Variants in TMEM132B observed in about 807,000 individuals in gnomAD.
TMEM132B encodes the protein transmembrane protein 132B.
Under a neutral mutation model 90.8 loss-of-function variants are expected in TMEM132B, and 18 were observed. The ratio of observed to expected loss-of-function variants is 0.20; its 90% confidence interval spans 0.14 to 0.29. The LOEUF (loss-of-function observed/expected upper bound fraction) is 0.29. Ranked by LOEUF, TMEM132B falls within the 10% of genes least tolerant of loss-of-function variation. The pLI, the probability that TMEM132B is intolerant of heterozygous loss-of-function variation, is 1.00. For missense variants in TMEM132B, 1,096 were observed against 1,326.8 expected (o/e 0.83, Z 2.70); for synonymous variants, 504 against 523.3 (o/e 0.96, Z 0.50).
chr12:125,366,624 C>T (rs889228603), intron 2 of TMEM132B, among the ~76,000 whole-genome samples: 3 of 152,168 alleles, frequency 2.0e-5, no homozygotes, highest in African/African-American at 7.2e-5. Context: ...AACGGTTTAG[C>T]TACAATGTGC....
At chr12:125,317,243 G>A (rs1278508061) in intron 1 of TMEM132B, among the ~76,000 whole-genome samples, 1 of 152,144 alleles carries the variant, frequency 6.6e-6, no homozygotes, top group Non-Finnish European at 1.5e-5. Context: ...GCATGGGTTG[G>A]TATACTCAAA....
chr12:125,561,654 G>C (rs550173575), intron 4 of TMEM132B, among the ~76,000 whole-genome samples: 1 of 152,114 alleles, frequency 6.6e-6, no homozygotes, highest in African/African-American at 2.4e-5. Flanking sequence ...CTCCATCTGA[G>C]CTCTTAAGTG....
At chr12:125,621,086 G>A (rs1317966577) in intron 5 of TMEM132B, among the ~76,000 whole-genome samples, 2 of 152,190 alleles carry the variant, frequency 1.3e-5, no homozygotes. Flanking sequence ...TACATTTTGA[G>A]TCTGTTGTGG....
chr12:125,386,143 A>G (rs1878825885), intron 2 of TMEM132B, among the ~76,000 whole-genome samples: 1 of 151,890 alleles, frequency 6.6e-6, no homozygotes, highest in African/African-American at 2.4e-5. Context: ...GCTCACCACC[A>G]CTCCTGGCTT....
intron 1 of TMEM132B, among the ~76,000 whole-genome samples, chr12:125,214,915 C>T (rs183460489): frequency 1.5e-4 from 23 of 152,308 alleles, no homozygotes; most frequent in Non-Finnish European, 2.4e-4. Flanking sequence ...CCTCTGTGCT[C>T]GGTCTCCACA....
chr12:125,535,062 TATTA>T (rs1288788591), intron 4 of TMEM132B, among the ~76,000 whole-genome samples: 2 of 152,208 alleles, frequency 1.3e-5, no homozygotes, highest in African/African-American at 2.4e-5. Context: ...CCTAGGTATT[TATTA>T]ATTGTTTATA....
intron 1 of TMEM132B, among the ~76,000 whole-genome samples, chr12:125,333,695 A>AGCAGTGACC (rs1207339616): frequency 2.0e-5 from 3 of 152,226 alleles, no homozygotes; most frequent in Non-Finnish European, 4.4e-5. Flanking sequence ...CTAGCTGATT[A>AGCAGTGACC]CTGCTGGGTA....
At position 125,336,340 on chromosome 12, in the gene TMEM132B, C is replaced by T. The variant is rs75876364; in HGVS notation, c.68-13112C>T. On this transcript the variant is annotated intron_variant, in intron 1 of 8. Coordinates refer to ENST00000682704, the MANE Select transcript of TMEM132B (RefSeq NM_001366854.1). ...TCCATCATTTGCTCCTCTTTACTGC[C>T]GAGTAGTGTTCCACCCAACACAGGT... Among the ~76,000 whole-genome samples the T allele has an allele frequency of 2.2e-3, 335 of 152,242 alleles. 2 individuals carry two copies. Among genetic ancestry groups the T allele is most frequent in the East Asian group, 0.02 (102 of 5,186 alleles).
intron 1 of TMEM132B, among the ~76,000 whole-genome samples, chr12:125,191,526 C>T (rs1872793380): frequency 6.6e-6 from 1 of 152,158 alleles, no homozygotes; most frequent in Non-Finnish European, 1.5e-5. Context: ...AATGGTGTGG[C>T]CCGGCCTCTG....
intron 2 of TMEM132B, among the ~76,000 whole-genome samples, chr12:125,361,611 C>G (rs1254421522): frequency 6.6e-6 from 1 of 152,174 alleles, no homozygotes; most frequent in East Asian, 1.9e-4. Context: ...GAGCTAAGAG[C>G]TTAGATTTTG....
intron 4 of TMEM132B, among the ~76,000 whole-genome samples, chr12:125,582,823 G>A (rs936875084): frequency 2.5e-4 from 37 of 149,846 alleles, no homozygotes; most frequent in African/African-American, 7.6e-4. Context: ...TATTATCCCC[G>A]TTTTCCAGAT....
intron 2 of TMEM132B, among the ~76,000 whole-genome samples, chr12:125,411,115 GGAGTGGAGTGGAGT>G (rs1323030345): frequency 3.3e-5 from 1 of 29,996 alleles, no homozygotes; most frequent in Non-Finnish European, 7.1e-5. Context: ...TGAGTGGAGT[GGAGTGGAGTGGAGT>G]GAGTGGAGTG....
chr12:125,216,605 C>T (rs1185919992), intron 1 of TMEM132B, among the ~76,000 whole-genome samples: 3 of 152,198 alleles, frequency 2.0e-5, no homozygotes, highest in Non-Finnish European at 2.9e-5. Context: ...GGAATTACTC[C>T]GTTATCGTGG....
At chr12:125,224,455 AAGGACTTCC>A (rs1200207812) in intron 1 of TMEM132B, among the ~76,000 whole-genome samples, 1 of 150,980 alleles carries the variant, frequency 6.6e-6, no homozygotes, top group Admixed American at 6.6e-5. Context: ...TTCTGATATT[AAGGACTTCC>A]AGGAGACAGA....
chr12:125,358,859 T>C (rs1055058018), intron 2 of TMEM132B, among the ~76,000 whole-genome samples: 1 of 152,250 alleles, frequency 6.6e-6, no homozygotes, highest in Non-Finnish European at 1.5e-5. Context: ...CTTTTGCTTA[T>C]AACTTTTGGC....
intron 5 of TMEM132B, among the ~76,000 whole-genome samples, chr12:125,625,922 C>T (rs891060016): frequency 6.6e-6 from 1 of 151,972 alleles, no homozygotes; most frequent in African/African-American, 2.4e-5. Flanking sequence ...GCATTTTTTT[C>T]TGTGCTTATT....
intron 2 of TMEM132B, among the ~76,000 whole-genome samples, chr12:125,399,615 GC>G (rs1879259007): frequency 6.6e-6 from 1 of 152,068 alleles, no homozygotes; most frequent in Admixed American, 6.6e-5. Context: ...CAGACTTCTG[GC>G]CTCCAGAACT....
At chr12:125,513,210 C>CTTCATTCA (rs5801605) in intron 3 of TMEM132B, among the ~76,000 whole-genome samples, 7,894 of 151,660 alleles carry the variant, frequency 0.052, 224 homozygotes, top group South Asian at 0.14. Flanking sequence ...GTTTAACACT[C>CTTCATTCA]TTCATTCATT....
chr12:125,247,371 G>C (rs1874227823), intron 1 of TMEM132B, among the ~76,000 whole-genome samples: 1 of 152,138 alleles, frequency 6.6e-6, no homozygotes, highest in Non-Finnish European at 1.5e-5. Context: ...TAGGAGACAG[G>C]TTCTGGGGGA....
Sources: allele counts gnomAD v4.1 joint callset (sites outside exome capture counted in the v4.1 genomes callset), GRCh38; gene constraint gnomAD v4.1.1; transcripts MANE v1.5; gene names NCBI Gene and HGNC (gene_info 2026-07-23, HGNC 2026-07-21).